The following DCHS2 variants were observed in gnomAD, a reference collection of about 807,000 sequenced individuals.
DCHS2 encodes the protein protocadherin-23.
A neutral mutation model predicts 182.4 loss-of-function variants in DCHS2; 142 were observed. That is an observed-to-expected ratio of 0.78 (90% CI 0.68 to 0.89). The LOEUF is 0.89. DCHS2 is among the 40% of genes least tolerant of loss of function. DCHS2 has a pLI of 0.00. For synonymous variants in DCHS2, 1,740 were observed against 1,663.3 expected (o/e 1.05, Z -1.12); for missense variants, 4,319 against 4,198.6 (o/e 1.03, Z -0.79).
chr4:154,234,845 T>C lies in DCHS2; in HGVS notation c.9807A>G (p.Lys3269=), dbSNP rs778158743. Residue 3269 remains lysine, a synonymous_variant, in exon 20 of 20, where the codon AAA becomes AAG. Transcript: ENST00000357232. ...GTGGAAAAACAAAAGATTTCTTCTC[T>C]TTTGGAATGCCAGGCATATGCAAAT... is the stretch of plus-strand genomic sequence containing the variant. ...DEHLHMPGIP[K]EKKSFVFPPP... 2 of 1,613,964 alleles carry C rather than the reference T, an allele frequency of 1.2e-6. No individual in the cohort carries two copies. The highest frequency in any genetic ancestry group is 1.7e-6 in the Non-Finnish European group (2 of 1,179,976).
Position 154,377,235 on chromosome 4 carries a change from T to G in DCHS2, c.2244+18A>C, listed in dbSNP as rs1561077123. 1 of 1,608,956 alleles carries G rather than the reference T, an allele frequency of 6.2e-7. No homozygotes were observed. Among genetic ancestry groups the G allele is most frequent in the Non-Finnish European group, 8.5e-7 (1 of 1,177,554 alleles). On this transcript the variant is annotated intron_variant, in intron 2 of 19. Coordinates refer to ENST00000357232, the MANE Select transcript of DCHS2 (RefSeq NM_001358235.2). ...CTTGTGATTATGTTTAAAATAAACT[T>G]CATACATAAAAACTTACCCCATCCT...
At chr4:154,337,901 C>T (rs1423401624) in intron 3 of DCHS2, among the ~76,000 whole-genome samples, 3 of 152,004 alleles carry the variant, frequency 2.0e-5, no homozygotes, top group Non-Finnish European at 4.4e-5. Context: ...TCACCATGCC[C>T]GGCTAATTTT....
Position 154,234,434 on chromosome 4 carries a change from C to G in DCHS2, c.*102G>C. 7.1e-7 allele frequency: 1 copy of G among 1,406,320 alleles called. No homozygotes were observed. The highest frequency in any genetic ancestry group is 9.4e-7 in the Non-Finnish European group (1 of 1,068,280). The allele number at this position is 1,406,320 out of a possible 1,614,324, so 87.1% of individuals were successfully genotyped here. On this transcript the variant is annotated 3_prime_UTR_variant, in exon 20 of 20. Transcript: ENST00000357232. ...AACTCTAACTAAATTACATCACTTG[C>G]TTTTAGATAAAAATGAGCCCAATCT... is the stretch of plus-strand genomic sequence containing the variant.
At position 154,246,107 on chromosome 4, in the gene DCHS2, T is replaced by C. The variant is rs535273193; in HGVS notation, c.6942-3335A>G. 2.7e-4 allele frequency among the ~76,000 whole-genome samples: 41 copies of C among 152,268 alleles called. 2 individuals carry two copies. In the South Asian group the frequency reaches 7.9e-3, roughly 29 times the overall value. ...CATAAAGATACGTGAGGAGCAGAGT[T>C]GCTCCCAGGTCACCAAGGAGAGGCT... On this transcript the variant is annotated intron_variant, in intron 16 of 19. Coordinates refer to ENST00000357232, the MANE Select transcript of DCHS2 (RefSeq NM_001358235.2).
Position 154,240,825 on chromosome 4 carries a change from T to C in DCHS2, c.7073-2A>G. On this transcript the variant is annotated splice_acceptor_variant, in intron 17 of 19. Coordinates refer to ENST00000357232, the MANE Select transcript of DCHS2 (RefSeq NM_001358235.2). LOFTEE classifies it high-confidence loss of function. ...TCACAATTACACCAGGCAAAGAATC[T>C]GAAATAGTCATGACCAGTGTCAGTC... The C allele has an allele frequency of 6.2e-7, 1 of 1,613,216 alleles. No homozygotes were observed. Among genetic ancestry groups the C allele is most frequent in the Non-Finnish European group, 8.5e-7 (1 of 1,179,676 alleles).
intron 3 of DCHS2, among the ~76,000 whole-genome samples, chr4:154,337,234 C>T (rs996808233): frequency 6.6e-6 from 1 of 152,066 alleles, no homozygotes; most frequent in Non-Finnish European, 1.5e-5. Flanking sequence ...AAGAAAAAGT[C>T]CCCCTACCCC....
intron 1 of DCHS2, among the ~76,000 whole-genome samples, chr4:154,438,771 T>A (rs1347233338): frequency 1.3e-5 from 2 of 152,208 alleles, no homozygotes; most frequent in Admixed American, 1.3e-4. Flanking sequence ...TAATCATTTT[T>A]AAATTTTTTT....
intron 1 of DCHS2, among the ~76,000 whole-genome samples, chr4:154,429,690 GT>G (rs202180606): frequency 0.063 from 9,309 of 146,980 alleles, 370 homozygotes; most frequent in East Asian, 0.15. Flanking sequence ...CTTCCCATAA[GT>G]TTTTTTTTTT....
At chr4:154,488,327 G>A (rs991094455) in intron 1 of DCHS2, among the ~76,000 whole-genome samples, 7 of 152,058 alleles carry the variant, frequency 4.6e-5, no homozygotes, top group Non-Finnish European at 1.0e-4. Flanking sequence ...AGTGTACAGT[G>A]CCCCATTTTA....
chr4:154,335,775 T>G (rs1728774220), intron 3 of DCHS2, among the ~76,000 whole-genome samples: 1 of 152,190 alleles, frequency 6.6e-6, no homozygotes, highest in Non-Finnish European at 1.5e-5. Flanking sequence ...TGCAAAACAA[T>G]GTCAAATTAT....
chr4:154,296,051 A>G (rs945497781), intron 13 of DCHS2, among the ~76,000 whole-genome samples: 1 of 152,158 alleles, frequency 6.6e-6, no homozygotes, highest in Non-Finnish European at 1.5e-5. Context: ...TCGGGGTATC[A>G]ATATCATTCA....
At position 154,377,275 on chromosome 4, in the gene DCHS2, AGATCATAGGTAGCTG is replaced by A. The variant is rs751667930; in HGVS notation, c.2207_2221del (p.Pro736_Asp740del). ...TACCCCATCCTTAGCTTCCACCAGG[AGATCATAGGTAGCTG>A]GATCCCTTTCCCTGTCGATATCTTG... is the stretch of plus-strand genomic sequence containing the variant. On this transcript the variant is annotated inframe_deletion, in exon 2 of 20. Transcript: ENST00000357232. 4.9e-5 allele frequency: 79 copies of A among 1,613,138 alleles called. No individual in the cohort carries two copies. Among genetic ancestry groups the A allele is most frequent in the Non-Finnish European group, 6.4e-5 (76 of 1,179,598 alleles).
intron 1 of DCHS2, among the ~76,000 whole-genome samples, chr4:154,429,265 A>G (rs1025079972): frequency 2.0e-5 from 3 of 152,218 alleles, no homozygotes; most frequent in Admixed American, 1.3e-4. Flanking sequence ...AGCAAATTGG[A>G]GAGCCGAAAT....
rs1731499731 is a variant in DCHS2, at chr4:154,236,333, G to A, written c.8319C>T (p.Ser2773=). The A allele has an allele frequency of 1.2e-6, 2 of 1,614,068 alleles. No individual in the cohort carries two copies. The highest frequency in any genetic ancestry group is 1.1e-5 in the South Asian group (1 of 91,086). The change falls in exon 20 of 20, where the codon AGC becomes AGT. Residue 2773 remains serine, a synonymous_variant. Transcript: ENST00000357232. ...GATTTTCTGGAACAATACAGCTGAA[G>A]CTTGAGAACATAAACTGAGGTGCAT... is the stretch of plus-strand genomic sequence containing the variant. The part of the protein sequence containing the change: ...NDHAPQFMFS[S]FSCIVPENLP...
intron 1 of DCHS2, among the ~76,000 whole-genome samples, chr4:154,405,054 T>C (rs764976777): frequency 5.3e-5 from 8 of 151,994 alleles, no homozygotes; most frequent in Non-Finnish European, 8.8e-5. Flanking sequence ...TGAGACCAGC[T>C]TGGCAAACAT....
In DCHS2 at chr4:154,236,275, C is replaced by T. The variant is rs751785249; in HGVS notation, c.8377G>A (p.Ala2793Thr). 8.1e-6 allele frequency: 13 copies of T among 1,613,966 alleles called. No homozygotes were observed. The highest frequency in any genetic ancestry group is 3.3e-5 in the Admixed American group (2 of 60,020). Residue 2793 changes from alanine (A) to threonine (T), a missense_variant, in exon 20 of 20, where the codon GCT becomes ACT. By Grantham distance (58) the Ala-to-Thr change is moderately conservative (BLOSUM62 0). Transcript: ENST00000357232. Reference protein sequence around the residue: ...PISSTICSINALDFDAGPYGE... With the variant: ...PISSTICSINTLDFDAGPYGE... ...TACGGACCAGCATCAAAATCCAGAG[C>T]ATTTATAGAGCATATGGTAGAGGAA... is the stretch of plus-strand genomic sequence containing the variant.
At position 154,298,383 on chromosome 4, in the gene DCHS2, A is replaced by G. The variant is rs1173108332; in HGVS notation, c.5931T>C (p.Ser1977=). The G allele has an allele frequency of 1.9e-6, 3 of 1,614,094 alleles. No homozygotes were observed. Among genetic ancestry groups the G allele is most frequent in the Non-Finnish European group, 1.7e-6 (2 of 1,180,026 alleles). ...ACATAGGATCAATGGTGAATGCACC[A>G]GAAGCCTCATCAGTCAGAAAATACT... ...QTEYFLTDEA[S]GAFTIDPMSG... is the part of the protein sequence containing the mutation. The change falls in exon 13 of 20, where the codon TCT becomes TCC. Residue 1977 remains serine, a synonymous_variant. Coordinates refer to ENST00000357232, the MANE Select transcript of DCHS2 (RefSeq NM_001358235.2).
At chr4:154,245,722 C>G (rs1732041700) in intron 16 of DCHS2, among the ~76,000 whole-genome samples, 1 of 151,884 alleles carries the variant, frequency 6.6e-6, no homozygotes, top group Non-Finnish European at 1.5e-5. Context: ...GTCCATAAAG[C>G]TAAAAAATGA....
chr4:154,454,869 G>T (rs748448912), intron 1 of DCHS2, among the ~76,000 whole-genome samples: 1 of 152,188 alleles, frequency 6.6e-6, no homozygotes, highest in Non-Finnish European at 1.5e-5. Context: ...GATCTGAGGG[G>T]ATTAAAGGCA....
Sources: allele counts gnomAD v4.1 joint callset (sites outside exome capture counted in the v4.1 genomes callset), GRCh38; gene constraint gnomAD v4.1.1; transcripts MANE v1.5; gene names NCBI Gene and HGNC (gene_info 2026-07-23, HGNC 2026-07-21).